Variants in ABCA10 observed in about 807,000 individuals in gnomAD.
ABCA10 encodes ATP binding cassette subfamily A member 10.
Under a neutral mutation model 187.5 loss-of-function variants are expected in ABCA10, and 169 were observed. The ratio of observed to expected loss-of-function variants is 0.90; its 90% confidence interval spans 0.80 to 1.02. The LOEUF (loss-of-function observed/expected upper bound fraction) is 1.02. Ranked by LOEUF, ABCA10 falls within the 50% of genes least tolerant of loss-of-function variation. The pLI, the probability that ABCA10 is intolerant of heterozygous loss-of-function variation, is 0.00. For synonymous variants in ABCA10, 574 were observed against 601.8 expected (o/e 0.95, Z 0.68); for missense variants, 1,727 against 1,812.4 (o/e 0.95, Z 0.86).
chr17:69,155,662 A>G (rs957604464), intron 29 of ABCA10, 143 bp downstream of exon 29: 2 of 1,136,054 alleles, frequency 1.8e-6, no homozygotes, highest in African/African-American at 3.2e-5. Context: ...AGTTACTTTT[A>G]AAGAGAATAA....
chr17:69,193,863 C>T lies in ABCA10; in HGVS notation c.1472G>A (p.Arg491Lys), dbSNP rs772107514. Reference protein sequence around the residue: ...FDFLTVRENLRVFAKIKGIQP... With the variant: ...FDFLTVRENLKVFAKIKGIQP... ...AATCCCTTTTATTTTAGCAAATACC[C>T]TGAGGTTTTCTCTCACAGTGAGGAA... Residue 491 changes from arginine to lysine, a missense_variant, in exon 13 of 39, where the codon AGG becomes AAG. Transcript: ENST00000690296. 28 of 1,613,516 alleles carry T rather than the reference C, an allele frequency of 1.7e-5. No individual in the cohort carries two copies. The highest frequency in any genetic ancestry group is 2.3e-5 in the Non-Finnish European group (27 of 1,179,764).
chr17:69,179,148 C>T (rs1005292716), intron 22 of ABCA10: 2 of 151,734 alleles, frequency 1.3e-5, no homozygotes, highest in Admixed American at 6.6e-5. Flanking sequence ...CACCATTGCA[C>T]TCCAGCTTGG....
At chr17:69,209,597 G>A (rs1019906086) in intron 9 of ABCA10, among the ~76,000 whole-genome samples, 1 of 152,176 alleles carries the variant, frequency 6.6e-6, no homozygotes, top group African/African-American at 2.4e-5. Flanking sequence ...AGTAGGGTTT[G>A]AAAATAACAG....
At chr17:69,158,369 T>C (rs774732122) in intron 27 of ABCA10, among the ~76,000 whole-genome samples, 1 of 151,670 alleles carries the variant, frequency 6.6e-6, no homozygotes, top group Non-Finnish European at 1.5e-5. Context: ...AAATTGGAAA[T>C]AAGAAAATTC....
Position 69,182,673 on chromosome 17 carries a change from A to T in ABCA10, c.2631+2T>A. On this transcript the variant is annotated splice_donor_variant, in intron 21 of 38. Coordinates refer to ENST00000690296, the MANE Select transcript of ABCA10 (RefSeq NM_001377321.1). LOFTEE classifies it high-confidence loss of function. ...AAAAACAGTGCATAGAAGCAAACAT[A>T]CCTTCTGGTCACCAGACACTATGAT... The T allele has an allele frequency of 6.3e-7, 1 of 1,594,454 alleles. No homozygotes were observed. The highest frequency in any genetic ancestry group is 1.8e-5 in the Admixed American group (1 of 55,298).
chr17:69,198,896 A>T (rs1380384867), intron 10 of ABCA10, among the ~76,000 whole-genome samples: 1 of 152,178 alleles, frequency 6.6e-6, no homozygotes, highest in Non-Finnish European at 1.5e-5. Flanking sequence ...CCTTAAAATC[A>T]TTCAGTGATT....
At chr17:69,226,971 T>G (rs1310137434) in intron 2 of ABCA10, among the ~76,000 whole-genome samples, 174 bp downstream of exon 2, 2 of 151,764 alleles carry the variant, frequency 1.3e-5, no homozygotes, top group Non-Finnish European at 2.9e-5. Flanking sequence ...TATTATCCTA[T>G]TTTGCAAAAT....
At chr17:69,227,544 CT>C (rs965229832) in intron 1 of ABCA10, among the ~76,000 whole-genome samples, 18 of 151,882 alleles carry the variant, frequency 1.2e-4, no homozygotes, top group African/African-American at 4.3e-4. Context: ...TCAGAAGTCA[CT>C]TTTTTTCCAT....
chr17:69,150,356 A>C (rs1204350082), intron 36 of ABCA10: 1 of 226,236 alleles, frequency 4.4e-6, no homozygotes. Flanking sequence ...ACTTACTCTC[A>C]AAAAGCAACC....
chr17:69,180,749 A>C (rs192266462), intron 22 of ABCA10, among the ~76,000 whole-genome samples: 4 of 152,122 alleles, frequency 2.6e-5, no homozygotes, highest in Admixed American at 2.6e-4. Flanking sequence ...CTTACAATTA[A>C]ATCACCCTAT....
At chr17:69,211,006 G>A (rs1232843772) in intron 9 of ABCA10, among the ~76,000 whole-genome samples, 2 of 151,004 alleles carry the variant, frequency 1.3e-5, no homozygotes, top group South Asian at 2.1e-4. Context: ...GTCGTGAGAA[G>A]GGAACACATT....
At chr17:69,171,875 G>A (rs1390716644) in intron 25 of ABCA10, among the ~76,000 whole-genome samples, 2 of 142,716 alleles carry the variant, frequency 1.4e-5, no homozygotes, top group Admixed American at 7.4e-5. Flanking sequence ...TTTAAACTAC[G>A]AGAGTTTATA....
intron 1 of ABCA10, among the ~76,000 whole-genome samples, chr17:69,240,258 C>T (rs1444045470): frequency 2.0e-5 from 3 of 152,144 alleles, no homozygotes; most frequent in South Asian, 2.1e-4. Context: ...GCACAACTTT[C>T]GCCAAGTTAC....
Position 69,225,462 on chromosome 17 carries a change from C to T in ABCA10, c.-104G>A, listed in dbSNP as rs2074786641. The T allele has an allele frequency of 8.3e-6, 10 of 1,200,968 alleles. No individual in the cohort carries two copies. The highest frequency in any genetic ancestry group is 2.4e-5 in the East Asian group (1 of 41,928). 74.4% of individuals were successfully genotyped at this position (1,200,968 alleles called of 1,614,324 possible). A position where few individuals can be genotyped will look rare whatever the true frequency, so the allele number is the denominator to read the frequency against. On this transcript the variant is annotated 5_prime_UTR_variant, in exon 3 of 39. Coordinates refer to ENST00000690296, the MANE Select transcript of ABCA10 (RefSeq NM_001377321.1). ...GACTTTAGGAGGTTGTTCAGGAAAA[C>T]GGGTAGCTCTGAAGTGTTCCGAAAA...
rs1353063829 is a variant in ABCA10, at chr17:69,222,671, C to T, written c.61G>A (p.Glu21Lys). 3 of 1,591,582 alleles carry T rather than the reference C, an allele frequency of 1.9e-6. No homozygotes were observed. The highest frequency in any genetic ancestry group is 1.7e-6 in the Non-Finnish European group (2 of 1,174,534). The change falls in exon 4 of 39, where the codon GAA becomes AAA. Residue 21 changes from glutamate to lysine, a missense_variant. Glu to Lys is a moderately conservative substitution (Grantham distance 56). Transcript: ENST00000690296. ...KGRTVIGTPDEETMDIELPKK... is the reference protein window; with the variant it reads ...KGRTVIGTPDKETMDIELPKK... Reference sequence around the variant, plus strand: ...GGAAGTTCTATATCCATGGTCTCTTCATCTGGTGTCCCAATGACTGTTCTT... The same window carrying T: ...GGAAGTTCTATATCCATGGTCTCTTTATCTGGTGTCCCAATGACTGTTCTT...
intron 25 of ABCA10, among the ~76,000 whole-genome samples, chr17:69,167,338 T>C (rs555080235): frequency 3.9e-5 from 6 of 152,154 alleles, no homozygotes; most frequent in African/African-American, 7.2e-5. Context: ...GAGAACCCAA[T>C]AGAGAGAACA....
rs1373754331 is a variant in ABCA10, at chr17:69,150,016, G to A, written c.4445C>T (p.Pro1482Leu). 6.2e-7 allele frequency: 1 copy of A among 1,613,042 alleles called. No homozygotes were observed. The highest frequency in any genetic ancestry group is 1.3e-5 in the African/African-American group (1 of 74,880). Reference protein sequence around the residue: ...AYKLPVEDVHPLSRAFFKLEA... With the variant: ...AYKLPVEDVHLLSRAFFKLEA... Reference sequence around the variant, plus strand: ...TAACTTGAAAAAGGCCCGAGATAGAGGGTGGACATCCTCCACAGGTAACTT... The same window carrying A: ...TAACTTGAAAAAGGCCCGAGATAGAAGGTGGACATCCTCCACAGGTAACTT... Residue 1482 changes from proline (P) to leucine (L), a missense_variant, in exon 37 of 39, where the codon CCT becomes CTT. By Grantham distance (98) the Pro-to-Leu change is moderately conservative (BLOSUM62 -3). Coordinates refer to ENST00000690296, the MANE Select transcript of ABCA10 (RefSeq NM_001377321.1).
At chr17:69,175,177 A>AT (rs1275108427) in intron 23 of ABCA10, among the ~76,000 whole-genome samples, 1 of 152,132 alleles carries the variant, frequency 6.6e-6, no homozygotes, top group South Asian at 2.1e-4. Flanking sequence ...CCTGAAGTTT[A>AT]TTTAGCATGA....
At position 69,197,168 on chromosome 17, in the gene ABCA10, T is replaced by C. The variant is rs774894807; in HGVS notation, c.1176-46A>G. The C allele has an allele frequency of 3.5e-6, 5 of 1,409,770 alleles. No individual in the cohort carries two copies. The African/African-American group carries it at 7.0e-5, about 20-fold the overall frequency. The allele number at this position is 1,409,770 out of a possible 1,614,324, so 87.3% of individuals were successfully genotyped here. On this transcript the variant is annotated intron_variant, in intron 10 of 38. Coordinates refer to ENST00000690296, the MANE Select transcript of ABCA10 (RefSeq NM_001377321.1). The stretch of plus-strand genomic sequence containing the variant: ...TTTCATGTAAATGCATTTTCTAGTA[T>C]TAATAACACAGATTACAGTTCATAA...
Sources: allele counts gnomAD v4.1 joint callset (sites outside exome capture counted in the v4.1 genomes callset), GRCh38; gene constraint gnomAD v4.1.1; transcripts MANE v1.5; gene names NCBI Gene and HGNC (gene_info 2026-07-23, HGNC 2026-07-21).